CCBE1: variants seen among roughly 807,000 people sequenced by gnomAD.
The protein encoded by CCBE1 is collagen and calcium-binding EGF domain-containing protein 1.
A neutral mutation model predicts 50.0 loss-of-function variants in CCBE1; 37 were observed. The ratio of observed to expected loss-of-function variants is 0.74; its 90% CI spans 0.57 to 0.97. The LOEUF (loss-of-function observed/expected upper bound fraction) is 0.97. Ranked by LOEUF, CCBE1 falls within the 50% of genes least tolerant of loss-of-function variation. The probability of loss-of-function intolerance (pLI) is 0.00; values close to 1 mark genes in which losing one functional copy is unlikely to be tolerated. For missense variants in CCBE1, 538 were observed against 523.8 expected (o/e 1.03, Z -0.26); for synonymous variants, 234 against 203.7 (o/e 1.15, Z -1.27).
chr18:59,637,397 T>G (rs150710829), intron 2 of CCBE1, among the ~76,000 whole-genome samples: 85 of 152,278 alleles, frequency 5.6e-4, no homozygotes, highest in African/African-American at 2.0e-3. Flanking sequence ...TAGTCTGATT[T>G]ATCCATCAAT....
chr18:59,439,848 G>T, intron 7 of CCBE1, 32 bp from the exon 8 acceptor site: 1 of 1,611,688 alleles, frequency 6.2e-7, no homozygotes, highest in African/African-American at 1.3e-5. Context: ...TTAGCTCACA[G>T]CACATGAGAA....
intron 2 of CCBE1, among the ~76,000 whole-genome samples, chr18:59,574,775 C>T (rs903805548): frequency 4.6e-5 from 7 of 152,186 alleles, no homozygotes; most frequent in Admixed American, 6.5e-5. Flanking sequence ...TCAGCTTATA[C>T]CTCTAGGTAG....
intron 2 of CCBE1, among the ~76,000 whole-genome samples, chr18:59,531,786 A>G (rs908852845): frequency 3.3e-5 from 5 of 152,164 alleles, no homozygotes; most frequent in African/African-American, 1.2e-4. Context: ...CCTACAGATC[A>G]TTCACTCAAC....
intron 2 of CCBE1, among the ~76,000 whole-genome samples, chr18:59,506,077 T>C (rs1913859582): frequency 6.6e-6 from 1 of 152,194 alleles, no homozygotes; most frequent in Non-Finnish European, 1.5e-5. Context: ...GAATAGCGTC[T>C]TTGAAGATGT....
At chr18:59,502,793 A>C (rs775253068) in intron 2 of CCBE1, among the ~76,000 whole-genome samples, 1 of 152,196 alleles carries the variant, frequency 6.6e-6, no homozygotes, top group Non-Finnish European at 1.5e-5. Context: ...TTGTCGACTG[A>C]TGGTGATTCT....
intron 2 of CCBE1, among the ~76,000 whole-genome samples, chr18:59,514,618 GTTTTTTTT>G (rs5825344): frequency 1.3e-4 from 16 of 120,312 alleles, no homozygotes; most frequent in Non-Finnish European, 2.2e-4. Context: ...ATGCTCTCCT[GTTTTTTTT>G]TTTTTCTTTC....
At chr18:59,696,449 GCT>G in intron 2 of CCBE1, 178 bp downstream of exon 2, 1 of 1,459,272 alleles carries the variant, frequency 6.9e-7, no homozygotes, top group Non-Finnish European at 9.1e-7. Context: ...GCTCAGTGTT[GCT>G]CTGACTCCGA....
intron 2 of CCBE1, among the ~76,000 whole-genome samples, chr18:59,523,299 G>T (rs536754933): frequency 6.6e-6 from 1 of 151,404 alleles, no homozygotes; most frequent in Non-Finnish European, 1.5e-5. Flanking sequence ...GCCCAGTGGT[G>T]GGCAAGCTAC....
chr18:59,666,665 C>A (rs189458675), intron 2 of CCBE1, among the ~76,000 whole-genome samples: 1 of 152,172 alleles, frequency 6.6e-6, no homozygotes, highest in African/African-American at 2.4e-5. Context: ...ATACAAGGCA[C>A]ATTTTTAAAG....
At chr18:59,490,294 A>G (rs1913035538) in intron 2 of CCBE1, among the ~76,000 whole-genome samples, 1 of 151,614 alleles carries the variant, frequency 6.6e-6, no homozygotes, top group Non-Finnish European at 1.5e-5. Context: ...CGAGATACTT[A>G]TTTTTACGTA....
intron 2 of CCBE1, among the ~76,000 whole-genome samples, chr18:59,617,570 C>T (rs1232783537): frequency 6.6e-6 from 1 of 152,194 alleles, no homozygotes; most frequent in Non-Finnish European, 1.5e-5. Context: ...AGTGCAGGAG[C>T]TTGGATGAAA....
chr18:59,447,043 AT>A lies in CCBE1; in HGVS notation c.775+939del, dbSNP rs938356347. 2.0e-4 allele frequency among the ~76,000 whole-genome samples: 30 copies of A among 151,650 alleles called. No individual in the cohort carries two copies. In the East Asian group the frequency reaches 2.9e-3, roughly 15 times the overall value. On this transcript the variant is annotated intron_variant, in intron 7 of 10. Transcript: ENST00000439986. The stretch of plus-strand genomic sequence containing the variant: ...TAAAAATATAAAATAACTTGGAACT[AT>A]TTTTTTTTAAGTTCTCATTGTATAT...
Position 59,449,809 on chromosome 18 carries a change from T to C in CCBE1, c.655-1706A>G, listed in dbSNP as rs181025233. ...CCTCAGGATGAGGCCTGCACACAGATGGGCTCCAGAGATGCTCCCCTATTC... is the reference window on the plus strand; with the variant it reads ...CCTCAGGATGAGGCCTGCACACAGACGGGCTCCAGAGATGCTCCCCTATTC... On this transcript the variant is annotated intron_variant, in intron 6 of 10. Coordinates refer to ENST00000439986, the MANE Select transcript of CCBE1 (RefSeq NM_133459.4). Among the ~76,000 whole-genome samples the C allele has an allele frequency of 1.4e-4, 21 of 152,306 alleles. 1 individual carries two copies. Among genetic ancestry groups the C allele is most frequent in the African/African-American group, 4.1e-4 (17 of 41,562 alleles).
intron 2 of CCBE1, among the ~76,000 whole-genome samples, chr18:59,650,845 G>T (rs1459965002): frequency 6.6e-6 from 1 of 151,460 alleles, no homozygotes; most frequent in Non-Finnish European, 1.5e-5. Flanking sequence ...AGTCCTCGGT[G>T]GCCAAGCAGA....
At chr18:59,531,981 T>C (rs1318819825) in intron 2 of CCBE1, among the ~76,000 whole-genome samples, 5 of 152,234 alleles carry the variant, frequency 3.3e-5, no homozygotes, top group African/African-American at 1.2e-4. Flanking sequence ...TGAGTTTACT[T>C]GCAACACGTA....
At chr18:59,615,065 T>C (rs1325516036) in intron 2 of CCBE1, among the ~76,000 whole-genome samples, 1 of 152,170 alleles carries the variant, frequency 6.6e-6, no homozygotes, top group Non-Finnish European at 1.5e-5. Context: ...TTTTCTCTCT[T>C]CTCCTTCCTT....
intron 2 of CCBE1, among the ~76,000 whole-genome samples, chr18:59,546,445 T>TACC (rs1281735198): frequency 3.9e-5 from 6 of 152,138 alleles, no homozygotes; most frequent in Admixed American, 3.9e-4. Context: ...TTGATAAGGG[T>TACC]TTGTACAGTG....
rs1002242141 is a variant in CCBE1, at chr18:59,448,192, T to C, written c.655-89A>G. The C allele has an allele frequency of 3.8e-6, 6 of 1,562,720 alleles. No homozygotes were observed. In the Middle Eastern group the frequency reaches 5.0e-4, roughly 130 times the overall value. The stretch of plus-strand genomic sequence containing the variant: ...TTGGTGGGAGAAGCTGCAAAGCCTT[T>C]TCATGAGACATATGTATATACTTTT... On this transcript the variant is annotated intron_variant, in intron 6 of 10. Coordinates refer to ENST00000439986, the MANE Select transcript of CCBE1 (RefSeq NM_133459.4).
chr18:59,644,047 T>C (rs781154330), intron 2 of CCBE1, among the ~76,000 whole-genome samples: 1 of 152,178 alleles, frequency 6.6e-6, no homozygotes, highest in Non-Finnish European at 1.5e-5. Flanking sequence ...ACTGGTTTCA[T>C]GGAAGACAAT....
Sources: allele counts gnomAD v4.1 joint callset (sites outside exome capture counted in the v4.1 genomes callset), GRCh38; gene constraint gnomAD v4.1.1; transcripts MANE v1.5; gene names NCBI Gene and HGNC (gene_info 2026-07-23, HGNC 2026-07-21).